FAM135B: variants seen among roughly 807,000 people sequenced by gnomAD.
The protein encoded by FAM135B is family with sequence similarity 135 member B, also known as protein FAM135B.
Under a neutral mutation model 127.7 loss-of-function variants are expected in FAM135B, and 43 were observed. The ratio of observed to expected loss-of-function variants is 0.34; its 90% CI spans 0.26 to 0.43. The LOEUF (loss-of-function observed/expected upper bound fraction) is 0.43. FAM135B is among the 20% of genes least tolerant of loss of function. The pLI is 1.00. For synonymous variants in FAM135B, 670 were observed against 665.1 expected (o/e 1.01, Z -0.11); for missense variants, 1,558 against 1,725.6 (o/e 0.90, Z 1.72).
intron 7 of FAM135B, among the ~76,000 whole-genome samples, chr8:138,208,513 C>T (rs4909404): frequency 2.0e-5 from 3 of 151,740 alleles, no homozygotes; most frequent in Admixed American, 6.6e-5. Flanking sequence ...TTTCTGATCC[C>T]GTTTATTTCA....
chr8:138,412,769 C>T (rs1833934117), intron 1 of FAM135B, among the ~76,000 whole-genome samples: 4 of 152,204 alleles, frequency 2.6e-5, no homozygotes, highest in East Asian at 1.9e-4. Context: ...TTTCTTACTG[C>T]TTTTCAGGAA....
chr8:138,485,916 A>T (rs1309806618), intron 1 of FAM135B, among the ~76,000 whole-genome samples: 3 of 152,100 alleles, frequency 2.0e-5, no homozygotes, highest in African/African-American at 7.2e-5. Context: ...TGTGTGGCTA[A>T]GGGGAGTAGA....
intron 12 of FAM135B, among the ~76,000 whole-genome samples, chr8:138,162,429 C>T (rs1224045232): frequency 1.3e-5 from 2 of 152,112 alleles, no homozygotes; most frequent in Non-Finnish European, 2.9e-5. Flanking sequence ...AAAGAAGGAA[C>T]CCTCGTGCAA....
intron 9 of FAM135B, among the ~76,000 whole-genome samples, chr8:138,182,173 C>T (rs1189074110): frequency 6.6e-6 from 1 of 152,200 alleles, no homozygotes; most frequent in Non-Finnish European, 1.5e-5. Context: ...AAAAGCTATT[C>T]ATTAAATGTG....
chr8:138,339,383 A>ATATATATATATATATATATATATT, intron 2 of FAM135B, among the ~76,000 whole-genome samples: 1 of 136,388 alleles, frequency 7.3e-6, no homozygotes, highest in African/African-American at 3.3e-5. Context: ...ATATATATAT[A>ATATATATATATATATATATATATT]TTTTAAAATC....
chr8:138,182,661 G>A (rs924567720), intron 9 of FAM135B, among the ~76,000 whole-genome samples: 1 of 152,208 alleles, frequency 6.6e-6, no homozygotes, highest in Non-Finnish European at 1.5e-5. Flanking sequence ...GATATATACT[G>A]AGTACTGTAG....
At chr8:138,165,794 T>A (rs1182500279) in intron 12 of FAM135B, among the ~76,000 whole-genome samples, 3 of 152,168 alleles carry the variant, frequency 2.0e-5, no homozygotes, top group Non-Finnish European at 4.4e-5. Context: ...TTTAAACTTG[T>A]TTTGACCAGT....
intron 1 of FAM135B, among the ~76,000 whole-genome samples, chr8:138,421,415 C>T (rs1306343720): frequency 2.0e-5 from 3 of 152,130 alleles, no homozygotes; most frequent in African/African-American, 7.2e-5. Context: ...TGTATAGAAG[C>T]TCTTAGAACT....
chr8:138,253,438 G>A (rs954768581), intron 5 of FAM135B, among the ~76,000 whole-genome samples: 4 of 152,088 alleles, frequency 2.6e-5, no homozygotes, highest in African/African-American at 9.7e-5. Context: ...GCTGATTTGT[G>A]CACTCTACGA....
At chr8:138,367,278 A>G in intron 2 of FAM135B, 1 of 416,528 alleles carries the variant, frequency 2.4e-6, no homozygotes, top group Non-Finnish European at 4.8e-6. Context: ...GAAGACATGT[A>G]GTTCACATCT....
chr8:138,280,660 T>A (rs539970182), intron 3 of FAM135B, among the ~76,000 whole-genome samples: 1 of 152,066 alleles, frequency 6.6e-6, no homozygotes, highest in African/African-American at 2.4e-5. Flanking sequence ...AAAGCAAACT[T>A]TTTAATGACT....
chr8:138,163,377 G>A lies in FAM135B; in HGVS notation c.1258+4518C>T, dbSNP rs530237207. On this transcript the variant is annotated intron_variant, in intron 12 of 19. Coordinates refer to ENST00000395297, the MANE Select transcript of FAM135B (RefSeq NM_015912.4). ...CAGAGACAAAGACAGATATTGCAGC[G>A]TGCCTGGCACATGGCACATGTTTAG... is the stretch of plus-strand genomic sequence containing the variant. Among the ~76,000 whole-genome samples the A allele has an allele frequency of 5.9e-5, 9 of 152,238 alleles. No individual in the cohort carries two copies. In the South Asian group the frequency reaches 1.7e-3, roughly 28 times the overall value.
At chr8:138,306,159 G>T (rs974749038) in intron 3 of FAM135B, among the ~76,000 whole-genome samples, 2 of 152,142 alleles carry the variant, frequency 1.3e-5, no homozygotes, top group Non-Finnish European at 2.9e-5. Flanking sequence ...ATGAGGCCAG[G>T]CGTGGTGGCT....
intron 3 of FAM135B, among the ~76,000 whole-genome samples, chr8:138,271,859 T>C (rs1381457651): frequency 6.6e-6 from 1 of 152,212 alleles, no homozygotes; most frequent in African/African-American, 2.4e-5. Context: ...GTCTAAATTC[T>C]AGATACTTTA....
At chr8:138,168,074 C>T (rs377043148) in intron 11 of FAM135B, 25 bp from the exon 12 acceptor site, 8 of 1,595,062 alleles carry the variant, frequency 5.0e-6, no homozygotes, top group African/African-American at 1.3e-5. Flanking sequence ...GCAGGGTGAG[C>T]GTCCAGGGAA....
chr8:138,341,791 A>T (rs1829065720), intron 2 of FAM135B, among the ~76,000 whole-genome samples: 1 of 152,000 alleles, frequency 6.6e-6, no homozygotes, highest in African/African-American at 2.4e-5. Context: ...CATAAAGACA[A>T]ATGTCTTAAT....
chr8:138,346,552 C>A (rs773737396), intron 2 of FAM135B, among the ~76,000 whole-genome samples: 2 of 152,202 alleles, frequency 1.3e-5, no homozygotes, highest in Non-Finnish European at 2.9e-5. Context: ...TTATCCTCAG[C>A]AAACTAACAC....
chr8:138,279,197 G>C (rs760892808), intron 3 of FAM135B, among the ~76,000 whole-genome samples: 5 of 152,174 alleles, frequency 3.3e-5, no homozygotes, highest in Non-Finnish European at 4.4e-5. Flanking sequence ...GCCACAGGCA[G>C]AGTAATTGCT....
chr8:138,148,665 T>C lies in FAM135B; in HGVS notation c.3303A>G (p.Lys1101=). The C allele has an allele frequency of 6.2e-7, 1 of 1,607,080 alleles. No individual in the cohort carries two copies. The highest frequency in any genetic ancestry group is 1.3e-5 in the African/African-American group (1 of 74,624). ...RMFSFYQAKE[K]FKKELKIEGF... Reference sequence around the variant, plus strand: ...CTTCAATCTTCAGTTCTTTTTTAAATTTTTCTTTGGCCTGATAAAAACTGG... The same window carrying C: ...CTTCAATCTTCAGTTCTTTTTTAAACTTTTCTTTGGCCTGATAAAAACTGG... Residue 1101 remains lysine, a synonymous_variant, in exon 14 of 20, where the codon AAA becomes AAG. Transcript: ENST00000395297.
Sources: gnomAD v4.1 joint callset for allele counts (sites outside exome capture counted in the v4.1 genomes callset) on GRCh38, gnomAD v4.1.1 for gene constraint, MANE v1.5 for transcripts, NCBI Gene and HGNC (gene_info 2026-07-23, HGNC 2026-07-21) for gene names.